Variants in BTD observed in about 807,000 individuals in gnomAD.
BTD encodes the protein biocytinase.
BTD carries 13 observed loss-of-function variants against 17.7 expected under a neutral mutation model. The observed-to-expected ratio is 0.74, with a 90% CI of 0.48 to 1.17. The LOEUF (loss-of-function observed/expected upper bound fraction) is 1.17, where lower values mean the gene tolerates loss of function less well. Ranked by LOEUF, BTD falls within the 50% of genes most tolerant of loss-of-function variation. BTD has a pLI of 0.00. For missense variants in BTD, 674 were observed against 650.4 expected, an observed-to-expected ratio of 1.04 and a Z score of -0.39; for synonymous variants, 240 against 245.2, an observed-to-expected ratio of 0.98 and a Z score of 0.20.
At chr3:15,698,897 G>C (rs1352406867) in intron 3 of BTD, among the ~76,000 whole-genome samples, 6 of 152,032 alleles carry the variant, frequency 3.9e-5, no homozygotes, top group East Asian at 3.9e-4. Flanking sequence ...CTACTTTAAA[G>C]TTCATATGGA....
At chr3:15,711,158 C>T (rs2126060710) in exon 4 of BTD, 14 of 1,416,292 alleles carry the variant, frequency 9.9e-6, no homozygotes, top group Admixed American at 1.9e-5. Flanking sequence ...TAAGAGAAAA[C>T]CTGCCATGAC....
At position 15,642,031 on chromosome 3, in the gene BTD, G is replaced by A. The variant is rs1281555039; in HGVS notation, c.373G>A (p.Glu125Lys). Residue 125 changes from glutamate (E) to lysine (K), a missense_variant, in exon 3 of 4, where the codon GAG becomes AAG. By Grantham distance (56) the Glu-to-Lys change is moderately conservative. Transcript: ENST00000643237. ...GGTGGTCAGGTGGAACCCATGCCTG[G>A]AGCCTCACCGCTTCAATGACACAGA... ...PQVVRWNPCL[E>K]PHRFNDTEVL... 2 of 1,614,138 alleles carry A rather than the reference G, an allele frequency of 1.2e-6. No homozygotes were observed. Among genetic ancestry groups the A allele is most frequent in the Non-Finnish European group, 1.7e-6 (2 of 1,180,018 alleles).
At chr3:15,657,996 C>T (rs1032641314), downstream of BTD, among the ~76,000 whole-genome samples, 5 of 151,792 alleles carry the variant, frequency 3.3e-5, no homozygotes, top group African/African-American at 7.3e-5. Context: ...GGTGAAAACC[C>T]ATCTCTACTA....
chr3:15,621,933 A>T (rs1335389397), intron 1 of BTD, among the ~76,000 whole-genome samples: 1 of 152,092 alleles, frequency 6.6e-6, no homozygotes, highest in East Asian at 1.9e-4. Context: ...AGGTTATCAA[A>T]TTTTGGGGCA....
chr3:15,674,169 C>T (rs1223019505), intron 3 of BTD, among the ~76,000 whole-genome samples: 3 of 15,304 alleles, frequency 2.0e-4, no homozygotes, highest in African/African-American at 3.7e-4. Flanking sequence ...GAGACCCTGC[C>T]TCTTCAAAAA....
At chr3:15,639,169 T>C (rs1168956587) in intron 2 of BTD, among the ~76,000 whole-genome samples, 1 of 151,988 alleles carries the variant, frequency 6.6e-6, no homozygotes, top group Non-Finnish European at 1.5e-5. Flanking sequence ...ACTTCCTAGA[T>C]AGGATTACTC....
chr3:15,706,125 T>C (rs940928349), intron 3 of BTD, among the ~76,000 whole-genome samples: 3 of 152,058 alleles, frequency 2.0e-5, no homozygotes, highest in Non-Finnish European at 4.4e-5. Context: ...TGTTCTAGAG[T>C]ACCTGTGCAC....
intron 3 of BTD, chr3:15,708,147 C>G (rs2071719961): frequency 5.6e-6 from 8 of 1,436,080 alleles, no homozygotes; most frequent in Non-Finnish European, 7.6e-6. Context: ...CTTACTCCTC[C>G]CAGTTACAAA....
At chr3:15,720,712 ATTT>A (rs1352877085) in intron 4 of BTD, among the ~76,000 whole-genome samples, 1 of 152,140 alleles carries the variant, frequency 6.6e-6, no homozygotes, top group Admixed American at 6.5e-5. Flanking sequence ...TATAAATGGA[ATTT>A]TATTGGTTCT....
chr3:15,708,057 G>A, intron 3 of BTD: 1 of 1,603,818 alleles, frequency 6.2e-7, no homozygotes, highest in African/African-American at 1.3e-5. Flanking sequence ...GCGTAGTGCA[G>A]TGGAGATCTT....
In BTD at chr3:15,651,026, C is replaced by T. The variant is rs1309094858; in HGVS notation, c.*5538C>T. Among the ~76,000 whole-genome samples the T allele has an allele frequency of 6.6e-6, 1 of 152,196 alleles. No individual in the cohort carries two copies. The highest frequency in any genetic ancestry group is 1.5e-5 in the Non-Finnish European group (1 of 68,040). On this transcript the variant is annotated 3_prime_UTR_variant, in exon 4 of 4. Coordinates refer to ENST00000643237, the MANE Select transcript of BTD (RefSeq NM_001370658.1). ...CTCATGATCTGCCTGCCTCAGCCTC[C>T]CAAAGTGCTGGGATTACAGGCGTGA...
chr3:15,683,811 A>G (rs2067799012), intron 3 of BTD: 2 of 152,240 alleles, frequency 1.3e-5, no homozygotes, highest in Non-Finnish European at 2.9e-5. Context: ...CTTTAACTTG[A>G]TAACTTTGTC....
At chr3:15,706,359 C>T (rs564349570) in intron 3 of BTD, among the ~76,000 whole-genome samples, 2,576 of 76,432 alleles carry the variant, frequency 0.034, 72 homozygotes, top group African/African-American at 0.12. Context: ...TTTGTCCTTG[C>T]GATAGTTTGC....
At chr3:15,697,015 T>C (rs145459516) in intron 3 of BTD, among the ~76,000 whole-genome samples, 125 of 152,286 alleles carry the variant, frequency 8.2e-4, no homozygotes, top group South Asian at 2.7e-3. Context: ...CAATTCGCAA[T>C]TGCAAAAATA....
Position 15,630,214 on chromosome 3 carries a change from G to A in BTD, c.-16-5210G>A, listed in dbSNP as rs115502433. The A allele has an allele frequency of 2.5e-3, 1,116 of 440,860 alleles. 10 individuals carry two copies. Among genetic ancestry groups the A allele is most frequent in the African/African-American group, 0.022 (1,053 of 46,850 alleles). The allele number at this position is 440,860 out of a possible 1,614,324, so 27.3% of individuals were successfully genotyped here. The stretch of plus-strand genomic sequence containing the variant: ...TGTAAAAGAGATAGATGAAGTATTA[G>A]AAATGGAGAAGGAAAGGGGGGAAAA... On this transcript the variant is annotated intron_variant, in intron 1 of 3. Transcript: ENST00000643237.
downstream of BTD, among the ~76,000 whole-genome samples, chr3:15,657,435 C>T (rs758872092): frequency 6.6e-6 from 1 of 152,184 alleles, no homozygotes; most frequent in East Asian, 1.9e-4. Flanking sequence ...TTATTAATCC[C>T]ATTTTACAGA....
chr3:15,629,840 C>T (rs2065160140), intron 1 of BTD, among the ~76,000 whole-genome samples: 1 of 152,174 alleles, frequency 6.6e-6, no homozygotes, highest in Admixed American at 6.5e-5. Flanking sequence ...TCATTACTAA[C>T]CAGTCCTGGA....
At chr3:15,690,031 T>G (rs778682149) in intron 3 of BTD, 13 of 1,607,996 alleles carry the variant, frequency 8.1e-6, no homozygotes, top group Non-Finnish European at 1.0e-5. Context: ...GCTGCATGAA[T>G]AGGTGTCCTC....
intron 1 of BTD, 174 bp downstream of exon 1, chr3:15,602,068 C>G: frequency 6.9e-7 from 1 of 1,445,276 alleles, no homozygotes; most frequent in Non-Finnish European, 9.1e-7. Flanking sequence ...TGTGCTACCG[C>G]GTTGCGTTTT....
Sources: gnomAD v4.1 joint callset for allele counts (sites outside exome capture counted in the v4.1 genomes callset) on GRCh38, gnomAD v4.1.1 for gene constraint, MANE v1.5 for transcripts, NCBI Gene and HGNC (gene_info 2026-07-23, HGNC 2026-07-21) for gene names.